Variants in DMD observed in about 807,000 individuals in gnomAD.
DMD encodes mutant dystrophin.
DMD carries 63 observed loss-of-function variants against 330.1 expected under a neutral mutation model. The ratio of observed to expected loss-of-function variants is 0.19; its 90% CI spans 0.16 to 0.24. DMD has a LOEUF of 0.24. Among genes scored for constraint, DMD ranks in the 10% least tolerant of loss-of-function variants. DMD has a pLI of 1.00. For missense variants in DMD, 3,344 were observed against 2,684.1 expected (o/e 1.25, Z -5.43); for synonymous variants, 1,223 against 959.8 (o/e 1.27, Z -5.07).
chrX:32,407,361 A>G (rs1697949782), intron 30 of DMD, among the ~76,000 whole-genome samples: 1 of 112,181 alleles, frequency 8.9e-6, no homozygotes, highest in Non-Finnish European at 1.9e-5. Context: ...TGCAGCCAAA[A>G]GACACATAAA....
chrX:32,072,921 T>A (rs926750743), intron 44 of DMD, among the ~76,000 whole-genome samples: 4 of 112,217 alleles, frequency 3.6e-5, no homozygotes, highest in African/African-American at 1.3e-4. Context: ...TAGCCTGCGA[T>A]GCAGGCAGGG....
chrX:31,955,003 CAAAAAA>C (rs530305580), intron 45 of DMD, among the ~76,000 whole-genome samples: 1 of 60,276 alleles, frequency 1.7e-5, no homozygotes. Flanking sequence ...CTGCCTCTAC[CAAAAAA>C]AAAAAAAAAA....
intron 42 of DMD, among the ~76,000 whole-genome samples, chrX:32,294,718 G>A (rs1164139406): frequency 1.8e-5 from 2 of 111,210 alleles, no homozygotes; most frequent in African/African-American, 6.5e-5. Flanking sequence ...AAAATTGGCT[G>A]GAGTCCAGGA....
chrX:32,887,575 C>T (rs1345083909), intron 2 of DMD, among the ~76,000 whole-genome samples: 1 of 104,847 alleles, frequency 9.5e-6, no homozygotes, highest in Non-Finnish European at 1.9e-5. Flanking sequence ...TGGCGAAACC[C>T]CGTCTCTACT....
At chrX:32,724,498 A>C (rs1181767577) in intron 7 of DMD, among the ~76,000 whole-genome samples, 1 of 111,818 alleles carries the variant, frequency 8.9e-6, no homozygotes, top group East Asian at 2.8e-4. Flanking sequence ...AACATAATTG[A>C]TTTACAATTC....
intron 44 of DMD, among the ~76,000 whole-genome samples, chrX:32,157,215 T>G (rs981193785): frequency 8.9e-6 from 1 of 111,935 alleles, no homozygotes; most frequent in African/African-American, 3.2e-5. Context: ...CTTCTTAATA[T>G]CCACTGAAGG....
chrX:31,332,995 G>T, intron 61 of DMD, among the ~76,000 whole-genome samples: 1 of 111,358 alleles, frequency 9.0e-6, no homozygotes, highest in Non-Finnish European at 1.9e-5. Context: ...CAAAGCATGG[G>T]ACCAGGGAAC....
chrX:32,851,410 A>G (rs1249018478), intron 2 of DMD, among the ~76,000 whole-genome samples: 1 of 112,301 alleles, frequency 8.9e-6, no homozygotes, highest in Non-Finnish European at 1.9e-5. Flanking sequence ...CATGGGAAAA[A>G]GAACATAACA....
chrX:31,625,794 G>C (rs889860472), intron 55 of DMD, among the ~76,000 whole-genome samples: 1 of 110,589 alleles, frequency 9.0e-6, no homozygotes, highest in African/African-American at 3.3e-5. Context: ...GAAAATAGAC[G>C]TATTTTTGCC....
upstream of DMD, among the ~76,000 whole-genome samples, chrX:33,214,329 G>A (rs1441567802): frequency 9.0e-6 from 1 of 111,023 alleles, no homozygotes; most frequent in African/African-American, 3.3e-5. Context: ...TCTACAAATA[G>A]ATCTACAGAT....
chrX:33,012,827 T>G (rs1242679552), intron 2 of DMD, among the ~76,000 whole-genome samples: 1 of 111,204 alleles, frequency 9.0e-6, no homozygotes, highest in Non-Finnish European at 1.9e-5. Flanking sequence ...ATTTTTGACT[T>G]GTGATATTTT....
intron 60 of DMD, among the ~76,000 whole-genome samples, chrX:31,436,586 A>G (rs1354510833): frequency 1.8e-5 from 2 of 111,941 alleles, no homozygotes; most frequent in African/African-American, 6.5e-5. Flanking sequence ...AGCAATTTCG[A>G]TAACAGTCCT....
chrX:32,214,887 C>A (rs1458848563), intron 44 of DMD, among the ~76,000 whole-genome samples: 4 of 111,799 alleles, frequency 3.6e-5, no homozygotes, highest in Non-Finnish European at 7.5e-5. Flanking sequence ...AGCAGTTAAA[C>A]AACACACTTA....
chrX:32,887,351 AAAAT>A (rs200736680), intron 2 of DMD, among the ~76,000 whole-genome samples: 1 of 110,198 alleles, frequency 9.1e-6, no homozygotes, highest in Non-Finnish European at 1.9e-5. Context: ...CATCTCAAAA[AAAAT>A]AAATAAATAA....
At chrX:32,456,293 A>T (rs1415966042) in intron 25 of DMD, among the ~76,000 whole-genome samples, 4 of 111,150 alleles carry the variant, frequency 3.6e-5, no homozygotes, top group Non-Finnish European at 7.6e-5. Context: ...CTACAATGTA[A>T]ATAAATGTTT....
chrX:32,449,844 G>A (rs760775911), intron 26 of DMD, among the ~76,000 whole-genome samples: 1 of 110,369 alleles, frequency 9.1e-6, no homozygotes, highest in South Asian at 3.8e-4. Context: ...TTATTTATGT[G>A]TGCCATGTAA....
chrX:32,773,264 T>A (rs904134934), intron 7 of DMD, among the ~76,000 whole-genome samples: 21 of 111,452 alleles, frequency 1.9e-4, no homozygotes, highest in African/African-American at 6.5e-4. Flanking sequence ...TCATTTTCGT[T>A]AATTATTTTA....
intron 17 of DMD, among the ~76,000 whole-genome samples, chrX:32,537,451 T>C (rs1385674758): frequency 9.0e-6 from 1 of 111,373 alleles, no homozygotes; most frequent in East Asian, 2.8e-4. Flanking sequence ...GAAGATATAC[T>C]CTGAAAGAAA....
At chrX:32,335,451 G>T (rs1176210683) in intron 41 of DMD, among the ~76,000 whole-genome samples, 16 of 102,916 alleles carry the variant, frequency 1.6e-4, no homozygotes, top group Non-Finnish European at 7.8e-5. Context: ...ATGTATATAT[G>T]TATATACATG....
Sources: allele counts gnomAD v4.1 joint callset (sites outside exome capture counted in the v4.1 genomes callset), GRCh38; gene constraint gnomAD v4.1.1; transcripts MANE v1.5; gene names NCBI Gene and HGNC (gene_info 2026-07-23, HGNC 2026-07-21).